Variants in SLC14A2 observed in about 807,000 individuals in gnomAD.
SLC14A2 encodes solute carrier family 14 member 2, also known as urea transporter 2.
Under a neutral mutation model 104.6 loss-of-function variants are expected in SLC14A2, and 91 were observed. That is an observed-to-expected ratio of 0.87 (90% CI 0.73 to 1.04). SLC14A2 has a LOEUF of 1.04. Ranked by LOEUF, SLC14A2 falls within the 50% of genes least tolerant of loss-of-function variation. The pLI is 0.00. For missense variants in SLC14A2, 1,189 were observed against 1,156.0 expected (o/e 1.03, Z -0.41); for synonymous variants, 476 against 466.4 (o/e 1.02, Z -0.27).
the SLC14A2 span, among the ~76,000 whole-genome samples, chr18:45,187,031 T>C: frequency 6.6e-6 from 1 of 152,134 alleles, no homozygotes; most frequent in Non-Finnish European, 1.5e-5. Context: ...AGCCATTAGA[T>C]GGTTTTCAGA....
intron 1 of SLC14A2, among the ~76,000 whole-genome samples, chr18:45,293,949 C>G (rs1009363256): frequency 1.3e-5 from 2 of 152,074 alleles, no homozygotes; most frequent in Admixed American, 1.3e-4. Flanking sequence ...GAGCGAGATG[C>G]GAAACAAATA....
At chr18:45,676,116 G>T (rs2046226071) in intron 18 of SLC14A2, among the ~76,000 whole-genome samples, 1 of 152,156 alleles carries the variant, frequency 6.6e-6, no homozygotes, top group African/African-American at 2.4e-5. Flanking sequence ...AATGCTCAGA[G>T]ATCTTTAAAA....
At chr18:45,339,471 A>G (rs1344797708) in intron 1 of SLC14A2, among the ~76,000 whole-genome samples, 5 of 152,164 alleles carry the variant, frequency 3.3e-5, no homozygotes, top group Admixed American at 3.3e-4. Context: ...TTAAAATACT[A>G]ACTATGCACC....
chr18:45,561,116 ATGAGCCACGG>A (rs2144310544), intron 2 of SLC14A2, among the ~76,000 whole-genome samples: 1 of 152,228 alleles, frequency 6.6e-6, no homozygotes, highest in South Asian at 2.1e-4. Flanking sequence ...GGAGTGAGGG[ATGAGCCACGG>A]GAGGCCACTG....
intron 2 of SLC14A2, among the ~76,000 whole-genome samples, chr18:45,575,065 G>C (rs2044400476): frequency 6.6e-6 from 1 of 152,194 alleles, no homozygotes; most frequent in Non-Finnish European, 1.5e-5. Flanking sequence ...CAGATCCCAG[G>C]TAACCCTAGT....
intron 1 of SLC14A2, among the ~76,000 whole-genome samples, chr18:45,480,919 C>T (rs1379524333): frequency 6.6e-6 from 1 of 150,996 alleles, no homozygotes; most frequent in Non-Finnish European, 1.5e-5. Flanking sequence ...TTTCTTCTTC[C>T]CAGTTTTTAA....
intron 2 of SLC14A2, among the ~76,000 whole-genome samples, chr18:45,539,017 A>G (rs2043844031): frequency 6.6e-6 from 1 of 152,020 alleles, no homozygotes; most frequent in Non-Finnish European, 1.5e-5. Flanking sequence ...TAAAGGTCAG[A>G]GAAGACTTAA....
At chr18:45,620,048 C>T (rs1031416031) in intron 1 of SLC14A2, among the ~76,000 whole-genome samples, 5 of 152,216 alleles carry the variant, frequency 3.3e-5, no homozygotes, top group African/African-American at 1.2e-4. Context: ...CTCCACAGGG[C>T]CATTGGTGCT....
At chr18:45,626,819 C>T (rs952267637) in intron 3 of SLC14A2, 139 bp from the exon 4 acceptor site, 123 of 445,920 alleles carry the variant, frequency 2.8e-4, no homozygotes, top group African/African-American at 8.0e-5. Context: ...CCCACCCCTC[C>T]ACCCCGACCC....
chr18:45,366,244 C>A (rs549996309), intron 1 of SLC14A2, among the ~76,000 whole-genome samples: 1 of 152,304 alleles, frequency 6.6e-6, no homozygotes, highest in East Asian at 1.9e-4. Context: ...GCTGTCACCA[C>A]GATCACACCA....
chr18:45,612,810 C>G (rs573841033), upstream of SLC14A2, among the ~76,000 whole-genome samples: 8 of 152,312 alleles, frequency 5.3e-5, no homozygotes, highest in African/African-American at 1.9e-4. Context: ...CTTCCCTATG[C>G]TGTTCTCATG....
intron 1 of SLC14A2, among the ~76,000 whole-genome samples, chr18:45,255,290 G>A (rs2084465452): frequency 6.6e-6 from 1 of 152,058 alleles, no homozygotes; most frequent in African/African-American, 2.4e-5. Flanking sequence ...TCACACCAGA[G>A]TTAAGCCATC....
At chr18:45,306,333 C>T (rs2085020721) in intron 1 of SLC14A2, among the ~76,000 whole-genome samples, 1 of 152,148 alleles carries the variant, frequency 6.6e-6, no homozygotes, top group South Asian at 2.1e-4. Flanking sequence ...TCTATTTCCC[C>T]ATGCATAGGA....
intron 1 of SLC14A2, among the ~76,000 whole-genome samples, chr18:45,385,623 A>G (rs569968027): frequency 1.3e-5 from 2 of 152,300 alleles, no homozygotes; most frequent in Non-Finnish European, 2.9e-5. Flanking sequence ...ATTATAGTAC[A>G]TGGTTGCCAC....
intron 1 of SLC14A2, among the ~76,000 whole-genome samples, chr18:45,371,646 C>T (rs1456175282): frequency 6.6e-6 from 1 of 152,196 alleles, no homozygotes; most frequent in Non-Finnish European, 1.5e-5. Flanking sequence ...TCTCTAAAAC[C>T]TTGTGCTTTT....
At chr18:45,269,669 C>T (rs73427906) in intron 1 of SLC14A2, among the ~76,000 whole-genome samples, 6,483 of 152,228 alleles carry the variant, frequency 0.043, 413 homozygotes, top group African/African-American at 0.14. Context: ...GTACTATGTG[C>T]TTCCCAATCT....
chr18:45,601,148 G>A (rs902587628), intron 2 of SLC14A2, among the ~76,000 whole-genome samples: 2 of 152,180 alleles, frequency 1.3e-5, no homozygotes, highest in Admixed American at 6.5e-5. Context: ...CACATGGTAT[G>A]GTGGAAAAAC....
intron 1 of SLC14A2, among the ~76,000 whole-genome samples, chr18:45,375,445 G>A (rs561185721): frequency 7.2e-5 from 11 of 152,032 alleles, no homozygotes; most frequent in Non-Finnish European, 1.5e-4. Flanking sequence ...CAGCACAAGA[G>A]GACAGCTTCA....
intron 1 of SLC14A2, among the ~76,000 whole-genome samples, chr18:45,256,034 T>A (rs1311353547): frequency 6.6e-6 from 1 of 152,178 alleles, no homozygotes; most frequent in African/African-American, 2.4e-5. Context: ...ACACCTGCCT[T>A]TGTCTCGCCC....
Sources: gnomAD v4.1 joint callset for allele counts (sites outside exome capture counted in the v4.1 genomes callset) on GRCh38, gnomAD v4.1.1 for gene constraint, MANE v1.5 for transcripts, NCBI Gene and HGNC (gene_info 2026-07-23, HGNC 2026-07-21) for gene names.